Variants in ME1 observed in about 807,000 individuals in gnomAD.
ME1 encodes malic enzyme 1, also known as NADP-dependent malic enzyme.
A neutral mutation model predicts 66.4 loss-of-function variants in ME1; 74 were observed. The observed-to-expected ratio is 1.11, with a 90% CI of 0.92 to 1.35. The LOEUF (loss-of-function observed/expected upper bound fraction) is 1.35. Among genes scored for constraint, ME1 ranks in the 40% most tolerant of loss-of-function variants. The probability of loss-of-function intolerance (pLI) is 0.00; values close to 1 mark genes in which losing one functional copy is unlikely to be tolerated. For synonymous variants in ME1, 251 were observed against 235.6 expected (o/e 1.07, Z -0.60); for missense variants, 750 against 694.1 (o/e 1.08, Z -0.90).
intron 6 of ME1, among the ~76,000 whole-genome samples, chr6:83,269,838 C>A (rs532786402): frequency 6.6e-6 from 1 of 152,072 alleles, no homozygotes; most frequent in African/African-American, 2.4e-5. Context: ...AACTAGGAGG[C>A]TGTCCAAATG....
chr6:83,322,604 G>A (rs527833834), intron 5 of ME1, among the ~76,000 whole-genome samples: 1 of 152,198 alleles, frequency 6.6e-6, no homozygotes, highest in South Asian at 2.1e-4. Flanking sequence ...CAAGATTAGA[G>A]AAAAAATAAT....
intron 3 of ME1, 109 bp downstream of exon 3, chr6:83,398,258 G>A (rs1769776855): frequency 9.3e-6 from 7 of 748,902 alleles, no homozygotes; most frequent in Non-Finnish European, 6.2e-6. Flanking sequence ...ATAAATATAT[G>A]CAATTTTATT....
intron 5 of ME1, among the ~76,000 whole-genome samples, chr6:83,327,806 C>T (rs1223979821): frequency 2.0e-5 from 3 of 152,120 alleles, no homozygotes; most frequent in Non-Finnish European, 2.9e-5. Context: ...TAAAAACTTG[C>T]TGGTTTTTGT....
At chr6:83,245,202 G>A (rs1790594956) in intron 7 of ME1, among the ~76,000 whole-genome samples, 1 of 152,010 alleles carries the variant, frequency 6.6e-6, no homozygotes, top group South Asian at 2.1e-4. Flanking sequence ...TGTTTTTAAG[G>A]GAAGAAAGAC....
chr6:83,370,919 A>G (rs75077898), intron 3 of ME1, among the ~76,000 whole-genome samples: 4,560 of 152,206 alleles, frequency 0.03, 216 homozygotes, highest in African/African-American at 0.11. Context: ...AGTCAAAGGC[A>G]TAAAGCACAA....
intron 6 of ME1, among the ~76,000 whole-genome samples, chr6:83,255,229 A>AT (rs1197450731): frequency 6.6e-6 from 1 of 150,928 alleles, no homozygotes; most frequent in Non-Finnish European, 1.5e-5. Context: ...GTCATTTGTA[A>AT]TTTTTTCTGG....
chr6:83,423,514 T>C (rs1295906314), intron 1 of ME1, among the ~76,000 whole-genome samples: 1 of 152,046 alleles, frequency 6.6e-6, no homozygotes, highest in Non-Finnish European at 1.5e-5. Context: ...AAACAAAAGT[T>C]AGGGCCAGGC....
chr6:83,430,781 G>T, intron 1 of ME1, 96 bp downstream of exon 1: 1 of 1,102,462 alleles, frequency 9.1e-7, no homozygotes, highest in East Asian at 2.8e-5. Flanking sequence ...CCAGGGGAGC[G>T]GCGGAGGGGC....
chr6:83,277,195 T>C (rs1300144531), intron 6 of ME1, among the ~76,000 whole-genome samples: 2 of 152,236 alleles, frequency 1.3e-5, no homozygotes, highest in Non-Finnish European at 2.9e-5. Context: ...GCCTGGGTAC[T>C]TACATATCCA....
At chr6:83,421,701 A>C (rs1770272076) in intron 1 of ME1, among the ~76,000 whole-genome samples, 1 of 152,206 alleles carries the variant, frequency 6.6e-6, no homozygotes, top group South Asian at 2.1e-4. Context: ...GAGAAGCCTT[A>C]TCTTTCTGGT....
intron 5 of ME1, among the ~76,000 whole-genome samples, chr6:83,330,365 T>C (rs914672114): frequency 6.6e-6 from 1 of 152,146 alleles, no homozygotes; most frequent in African/African-American, 2.4e-5. Flanking sequence ...AAAGTAACCA[T>C]CACATTCAGG....
chr6:83,407,990 C>A, intron 1 of ME1, 89 bp from the exon 2 acceptor site: 6 of 1,417,270 alleles, frequency 4.2e-6, no homozygotes, highest in Non-Finnish European at 5.6e-6. Flanking sequence ...CAAGTATATG[C>A]AATTAAAAAT....
At chr6:83,375,544 GAC>G (rs752174840) in intron 3 of ME1, among the ~76,000 whole-genome samples, 1 of 152,146 alleles carries the variant, frequency 6.6e-6, no homozygotes, top group South Asian at 2.1e-4. Context: ...TGCAAACAGA[GAC>G]AGTTTGACTT....
intron 6 of ME1, among the ~76,000 whole-genome samples, chr6:83,276,111 C>T (rs566689060): frequency 4.7e-4 from 72 of 152,216 alleles, no homozygotes; most frequent in African/African-American, 1.7e-3. Context: ...CAGAAAGTCA[C>T]TTACGGTTGA....
chr6:83,368,931 C>T (rs1260059115), intron 3 of ME1, among the ~76,000 whole-genome samples: 1 of 152,086 alleles, frequency 6.6e-6, no homozygotes, highest in African/African-American at 2.4e-5. Context: ...ATTTTATTTT[C>T]ATTTCCCTCT....
At chr6:83,283,047 T>C (rs532062453) in intron 6 of ME1, among the ~76,000 whole-genome samples, 1 of 149,888 alleles carries the variant, frequency 6.7e-6, no homozygotes, top group African/African-American at 2.5e-5. Context: ...GCTAACAAGG[T>C]GAAACCCCGT....
At position 83,303,982 on chromosome 6, in the gene ME1, C is replaced by T. The variant is rs144283688; in HGVS notation, c.704+11328G>A. ...ATATTAAGCCAAATTTGCCAGCCTA[C>T]ATCTTTTAACTAAATTATGGTCCTA... On this transcript the variant is annotated intron_variant, in intron 6 of 13. Transcript: ENST00000369705. Among the ~76,000 whole-genome samples, 788 of 152,230 alleles carry T rather than the reference C, an allele frequency of 5.2e-3. 7 individuals are homozygous for T. Among genetic ancestry groups the T allele is most frequent in the African/African-American group, 0.018 (751 of 41,564 alleles).
At chr6:83,413,421 A>G (rs980480433) in intron 1 of ME1, among the ~76,000 whole-genome samples, 11 of 152,116 alleles carry the variant, frequency 7.2e-5, no homozygotes, top group African/African-American at 2.4e-4. Context: ...TTTATTTCAA[A>G]TGAATTATAT....
chr6:83,377,521 T>G (rs1220927886), intron 3 of ME1, among the ~76,000 whole-genome samples: 1 of 152,136 alleles, frequency 6.6e-6, no homozygotes, highest in Non-Finnish European at 1.5e-5. Flanking sequence ...AACATGCAAT[T>G]GCAGACTTGA....
Sources: gnomAD v4.1 joint callset for allele counts (sites outside exome capture counted in the v4.1 genomes callset) on GRCh38, gnomAD v4.1.1 for gene constraint, MANE v1.5 for transcripts, NCBI Gene and HGNC (gene_info 2026-07-23, HGNC 2026-07-21) for gene names.